Variants in DNAH6 observed in about 807,000 individuals in gnomAD.
DNAH6 encodes axonemal beta dynein heavy chain 6.
DNAH6 carries 340 observed loss-of-function variants against 491.4 expected under a neutral mutation model. The observed-to-expected ratio is 0.69, with a 90% CI of 0.63 to 0.76. DNAH6 has a LOEUF of 0.76. DNAH6 is among the 30% of genes least tolerant of loss of function. The probability of loss-of-function intolerance (pLI) is 0.00; values close to 1 mark genes in which losing one functional copy is unlikely to be tolerated. For missense variants in DNAH6, 4,443 were observed against 4,972.2 expected (o/e 0.89, Z 3.20); for synonymous variants, 1,603 against 1,686.1 (o/e 0.95, Z 1.21).
At chr2:84,639,155 G>A (rs1689144715) in intron 31 of DNAH6, among the ~76,000 whole-genome samples, 2 of 152,118 alleles carry the variant, frequency 1.3e-5, no homozygotes, top group Non-Finnish European at 1.5e-5. Flanking sequence ...TGGGCATGGT[G>A]GGGTGGGGGG....
At chr2:84,797,858 C>A (rs1678495279) in intron 70 of DNAH6, among the ~76,000 whole-genome samples, 200 bp downstream of exon 70, 1 of 152,146 alleles carries the variant, frequency 6.6e-6, no homozygotes, top group Non-Finnish European at 1.5e-5. Context: ...GACCATCATG[C>A]ATTTTCCCTG....
At chr2:84,484,102 A>G in the DNAH6 span, among the ~76,000 whole-genome samples, 1 of 152,086 alleles carries the variant, frequency 6.6e-6, no homozygotes, top group Non-Finnish European at 1.5e-5. Context: ...TTGTCTTGCT[A>G]AGCTGACCCT....
intron 26 of DNAH6, 111 bp from the exon 27 acceptor site, chr2:84,624,154 A>G (rs954517481): frequency 1.0e-6 from 1 of 987,264 alleles, no homozygotes; most frequent in African/African-American, 1.7e-5. Context: ...ATAGATTCTT[A>G]AAATTAGCTG....
chr2:84,704,314 A>G lies in DNAH6; in HGVS notation c.8465+12A>G, dbSNP rs1378393229. 3.3e-6 allele frequency: 5 copies of G among 1,529,672 alleles called. No individual in the cohort carries two copies. Among genetic ancestry groups the G allele is most frequent in the Non-Finnish European group, 4.4e-6 (5 of 1,127,142 alleles). 94.8% of individuals were successfully genotyped at this position (1,529,672 alleles called of 1,614,324 possible). On this transcript the variant is annotated intron_variant, in intron 51 of 76. Coordinates refer to ENST00000389394, the MANE Select transcript of DNAH6 (RefSeq NM_001370.2). ...CTTTTGAATGCCAAGTGAGTAATTC[A>G]GAGTCATGTATTGCCATGATACCTG...
intron 14 of DNAH6, among the ~76,000 whole-genome samples, chr2:84,581,322 G>A (rs1682999312): frequency 6.6e-6 from 1 of 152,134 alleles, no homozygotes; most frequent in Non-Finnish European, 1.5e-5. Flanking sequence ...CTTCCTTTAG[G>A]GAGATTCTCT....
the DNAH6 span, among the ~76,000 whole-genome samples, chr2:84,472,280 G>A: frequency 6.6e-6 from 1 of 151,664 alleles, no homozygotes; most frequent in Non-Finnish European, 1.5e-5. Context: ...GGGTTATATG[G>A]ATTACCCATA....
At chr2:84,720,433 T>C (rs971881485) in intron 59 of DNAH6, among the ~76,000 whole-genome samples, 40 of 150,658 alleles carry the variant, frequency 2.7e-4, no homozygotes, top group South Asian at 4.2e-4. Flanking sequence ...CGCCCGCCAC[T>C]ACGCCCGGCT....
Position 84,544,510 on chromosome 2 carries a change from T to C in DNAH6, c.930+10T>C. 7.6e-7 allele frequency: 1 copy of C among 1,316,672 alleles called. No individual in the cohort carries two copies. The highest frequency in any genetic ancestry group is 1.0e-6 in the Non-Finnish European group (1 of 957,194). The allele number at this position is 1,316,672 out of a possible 1,614,324, so 81.6% of individuals were successfully genotyped here. A position where few individuals can be genotyped will look rare whatever the true frequency, so the allele number is the denominator to read the frequency against. ...GTTCATTGTTAATCCTGTATGTATT[T>C]ATCATTTATATTTTAAAATAATTAC... On this transcript the variant is annotated intron_variant, in intron 5 of 76. Coordinates refer to ENST00000389394, the MANE Select transcript of DNAH6 (RefSeq NM_001370.2).
intron 49 of DNAH6, 140 bp downstream of exon 49, chr2:84,701,479 G>A (rs555311115): frequency 2.3e-6 from 2 of 887,992 alleles, no homozygotes; most frequent in African/African-American, 1.7e-5. Flanking sequence ...AAATACCTGA[G>A]ACTGGGTAAT....
rs967076258 is a variant in DNAH6 at position 84,744,995 on chromosome 2, A to T, written c.10343-85A>T. The T allele has an allele frequency of 3.6e-5, 32 of 900,364 alleles. No individual in the cohort carries two copies. In the African/African-American group the frequency reaches 4.9e-4, roughly 14 times the overall value. The allele number at this position is 900,364 out of a possible 1,614,324, so 55.8% of individuals were successfully genotyped here. On this transcript the variant is annotated intron_variant, in intron 62 of 76. Coordinates refer to ENST00000389394, the MANE Select transcript of DNAH6 (RefSeq NM_001370.2). ...TGGTTAAAACTGATAGTAAATATAG[A>T]GATATTTTTAAATTACCAAACATTA...
chr2:84,564,862 C>G (rs1269345098), intron 11 of DNAH6, among the ~76,000 whole-genome samples: 2 of 152,018 alleles, frequency 1.3e-5, no homozygotes, highest in Non-Finnish European at 2.9e-5. Context: ...AAGTCTATTC[C>G]TTTGATCCCT....
At position 84,767,566 on chromosome 2, in the gene DNAH6, G is replaced by GTA. The variant is rs149273465; in HGVS notation, c.10703+4636_10703+4637dup. On this transcript the variant is annotated intron_variant, in intron 64 of 76. Transcript: ENST00000389394. Reference sequence around the variant, plus strand: ...TATATAGATACACATATTTATAAGCGTATATATATATATATAAAACTGAAA... The same window carrying GTA: ...TATATAGATACACATATTTATAAGCGTATATATATATATATATAAAACTGAAA... Among the ~76,000 whole-genome samples, 473 of 149,348 alleles carry GTA rather than the reference G, an allele frequency of 3.2e-3. 6 individuals are homozygous for GTA. The highest frequency in any genetic ancestry group is 0.022 in the South Asian group (103 of 4,734).
At chr2:84,593,931 T>G in intron 16 of DNAH6, 41 bp from the exon 17 acceptor site, 1 of 1,250,108 alleles carries the variant, frequency 8.0e-7, no homozygotes. Context: ...TCATTATATC[T>G]GAAAACTAAA....
intron 63 of DNAH6, among the ~76,000 whole-genome samples, chr2:84,754,917 A>T (rs539593027): frequency 2.2e-4 from 33 of 152,350 alleles, no homozygotes; most frequent in Admixed American, 1.7e-3. Context: ...ATCTATGAAC[A>T]TGTGGTGTTT....
chr2:84,705,144 T>A (rs1365490035), intron 51 of DNAH6, among the ~76,000 whole-genome samples: 1 of 152,164 alleles, frequency 6.6e-6, no homozygotes, highest in Non-Finnish European at 1.5e-5. Context: ...TCCTGGCAGG[T>A]GATTTTAAGG....
At chr2:84,777,363 C>T (rs1387769638) in intron 64 of DNAH6, 1 of 378,230 alleles carries the variant, frequency 2.6e-6, no homozygotes, top group Non-Finnish European at 5.1e-6. Context: ...TCTGAGATTC[C>T]ATTCTGTCCC....
At chr2:84,704,002 G>A (rs979890798) in intron 50 of DNAH6, 65 bp from the exon 51 acceptor site, 210 of 1,245,808 alleles carry the variant, frequency 1.7e-4, no homozygotes, top group Non-Finnish European at 2.2e-4. Flanking sequence ...ACTATTATTG[G>A]CTTTGTTTTG....
At chr2:84,543,672 T>A (rs1171992900) in intron 4 of DNAH6, among the ~76,000 whole-genome samples, 1 of 152,194 alleles carries the variant, frequency 6.6e-6, no homozygotes. Flanking sequence ...ACTTGATCAG[T>A]TTTCTGTTAA....
chr2:84,672,278 T>C lies in DNAH6; in HGVS notation c.6455-49T>C, dbSNP rs1338604953. Reference sequence around the variant, plus strand: ...CATACCCTAGCTTTGTCTTACATTTTCTAAGGGAAAATCATAATTCTTAAA... The same window carrying C: ...CATACCCTAGCTTTGTCTTACATTTCCTAAGGGAAAATCATAATTCTTAAA... On this transcript the variant is annotated intron_variant, in intron 39 of 76. Transcript: ENST00000389394. The C allele has an allele frequency of 4.6e-6, 7 of 1,525,244 alleles. No homozygotes were observed. The East Asian group carries it at 1.5e-4, about 32-fold the overall frequency. 94.5% of individuals were successfully genotyped at this position (1,525,244 alleles called of 1,614,324 possible). A position where few individuals can be genotyped will look rare whatever the true frequency, so the allele number is the denominator to read the frequency against.
Sources: allele counts gnomAD v4.1 joint callset (sites outside exome capture counted in the v4.1 genomes callset), GRCh38; gene constraint gnomAD v4.1.1; transcripts MANE v1.5; gene names NCBI Gene and HGNC (gene_info 2026-07-23, HGNC 2026-07-21).